The following PEX11A variants were observed in gnomAD, a reference collection of about 807,000 sequenced individuals.
The protein encoded by PEX11A is peroxisomal membrane protein 11A.
A neutral mutation model predicts 14.4 loss-of-function variants in PEX11A; 13 were observed. That is an observed-to-expected ratio of 0.90 (90% CI 0.59 to 1.43). The LOEUF is 1.43. Among genes scored for constraint, PEX11A ranks in the 40% most tolerant of loss-of-function variants. The pLI, the probability that PEX11A is intolerant of heterozygous loss-of-function variation, is 0.00. For missense variants in PEX11A, 290 were observed against 302.8 expected (o/e 0.96, Z 0.31); for synonymous variants, 101 against 113.0 (o/e 0.89, Z 0.67).
At chr15:89,688,917 T>C (rs894992656) in intron 1 of PEX11A, among the ~76,000 whole-genome samples, 1 of 151,508 alleles carries the variant, frequency 6.6e-6, no homozygotes, top group African/African-American at 2.4e-5. Context: ...GGTTTCACCA[T>C]GTTAGCCAGG....
Position 89,686,962 on chromosome 15 carries a change from C to T in PEX11A, c.57-416G>A, listed in dbSNP as rs540939946. Reference sequence around the variant, plus strand: ...TGTTTTTGATCGAGTCTCGCTCTTTCGCCAGGCTGGAGTGCTGTGGTGTGA... The same window carrying T: ...TGTTTTTGATCGAGTCTCGCTCTTTTGCCAGGCTGGAGTGCTGTGGTGTGA... On this transcript the variant is annotated intron_variant, in intron 1 of 2. Coordinates refer to ENST00000300056, the MANE Select transcript of PEX11A (RefSeq NM_003847.3). 2.6e-5 allele frequency among the ~76,000 whole-genome samples: 4 copies of T among 151,516 alleles called. No homozygotes were observed. In the East Asian group the frequency reaches 5.8e-4, roughly 22 times the overall value.
chr15:89,684,925 T>C (rs1964654792), intron 2 of PEX11A, among the ~76,000 whole-genome samples: 1 of 152,150 alleles, frequency 6.6e-6, no homozygotes, highest in Non-Finnish European at 1.5e-5. Flanking sequence ...CGCGGTGGCT[T>C]ACGCCTGTAA....
At chr15:89,690,113 G>T (rs1160813040) in intron 1 of PEX11A, among the ~76,000 whole-genome samples, 2 of 152,118 alleles carry the variant, frequency 1.3e-5, no homozygotes, top group African/African-American at 4.8e-5. Flanking sequence ...GACAGAGCGA[G>T]ACTCCGTCTC....
Position 89,683,899 on chromosome 15 carries a change from G to A in PEX11A, c.222C>T (p.Ser74=), listed in dbSNP as rs1182550973. 6.2e-7 allele frequency: 1 copy of A among 1,614,050 alleles called. No homozygotes were observed. Among genetic ancestry groups the A allele is most frequent in the East Asian group, 2.2e-5 (1 of 44,884 alleles). Residue 74 remains serine, a synonymous_variant, in exon 3 of 3, where the codon AGC becomes AGT. Coordinates refer to ENST00000300056, the MANE Select transcript of PEX11A (RefSeq NM_003847.3). ...GAGGTACCAGGTCAGTGGCATGAAT[G>A]CTCTGCTCAGTTGCCTGTATAGCAT... ...VVHAIQATEQ[S]IHATDLVPRL... is the part of the protein sequence containing the mutation.
In PEX11A at chr15:89,687,113, G is replaced by A. The variant is rs543909658; in HGVS notation, c.57-567C>T. 9.2e-5 allele frequency among the ~76,000 whole-genome samples: 14 copies of A among 152,120 alleles called. No homozygotes were observed. In the South Asian group the frequency reaches 2.3e-3, roughly 25 times the overall value. On this transcript the variant is annotated intron_variant, in intron 1 of 2. Coordinates refer to ENST00000300056, the MANE Select transcript of PEX11A (RefSeq NM_003847.3). ...TAATTTTTGTATTTTTAATAGACAC[G>A]GGGTTGTGCCATTTTGGTCATGGCT...
rs908848217 is a variant in PEX11A at position 89,681,844 on chromosome 15, T to C, written c.*1533A>G. ...GGAGGACTGACATCGGCCTCCTACC[T>C]GCTGGCATCCTATTTCTCTACCTCA... is the stretch of plus-strand genomic sequence containing the variant. On this transcript the variant is annotated 3_prime_UTR_variant, in exon 3 of 3. Coordinates refer to ENST00000300056, the MANE Select transcript of PEX11A (RefSeq NM_003847.3). 8.1e-5 allele frequency: 22 copies of C among 270,146 alleles called. No homozygotes were observed. Among genetic ancestry groups the C allele is most frequent in the Non-Finnish European group, 1.3e-4 (18 of 141,326 alleles). The allele number at this position is 270,146 out of a possible 1,614,324, so 16.7% of individuals were successfully genotyped here.
At chr15:89,690,386 C>G (rs953190730) in intron 1 of PEX11A, among the ~76,000 whole-genome samples, 191 bp downstream of exon 1, 4 of 152,102 alleles carry the variant, frequency 2.6e-5, no homozygotes, top group South Asian at 4.1e-4. Flanking sequence ...GACGCGGGTG[C>G]GTTGGGCCCA....
chr15:89,686,923 GT>G (rs536000290), intron 1 of PEX11A, among the ~76,000 whole-genome samples: 7 of 147,856 alleles, frequency 4.7e-5, no homozygotes, highest in East Asian at 2.0e-4. Context: ...TTCTTTCTTT[GT>G]TTTTTTTTTG....
intron 1 of PEX11A, chr15:89,687,824 C>G: frequency 3.2e-6 from 1 of 315,684 alleles, no homozygotes; most frequent in South Asian, 2.9e-5. Flanking sequence ...GAGCTTTGGT[C>G]TAATAATAAG....
At position 89,683,439 on chromosome 15, in the gene PEX11A, C is replaced by A. The variant is rs1222356558; in HGVS notation, c.682G>T (p.Val228Leu). The change falls in exon 3 of 3, where the codon GTG becomes TTG. Residue 228 changes from valine (V) to leucine (L), a missense_variant. By Grantham distance (32) the Val-to-Leu change is conservative. Transcript: ENST00000300056. ...NPGIIGLGGL[V>L]SSIAGMITVA... is the part of the protein sequence containing the mutation. The stretch of plus-strand genomic sequence containing the variant: ...GTGATCATGCCTGCTATAGAGGACA[C>A]AAGACCTCCAAGTCCAATGATGCCA... The A allele has an allele frequency of 6.2e-7, 1 of 1,614,002 alleles. No individual in the cohort carries two copies. Among genetic ancestry groups the A allele is most frequent in the Non-Finnish European group, 8.5e-7 (1 of 1,179,966 alleles).
In PEX11A at chr15:89,681,836, C is replaced by T. The variant is rs1229531653; in HGVS notation, c.*1541G>A. On this transcript the variant is annotated 3_prime_UTR_variant, in exon 3 of 3. Coordinates refer to ENST00000300056, the MANE Select transcript of PEX11A (RefSeq NM_003847.3). ...CTTTGCTGGGAGGACTGACATCGGC[C>T]TCCTACCTGCTGGCATCCTATTTCT... 1.8e-5 allele frequency: 5 copies of T among 275,374 alleles called. No homozygotes were observed. Among genetic ancestry groups the T allele is most frequent in the Non-Finnish European group, 3.5e-5 (5 of 144,916 alleles). The allele number at this position is 275,374 out of a possible 1,614,324, so 17.1% of individuals were successfully genotyped here.
chr15:89,684,733 A>C (rs776319293), intron 2 of PEX11A, among the ~76,000 whole-genome samples: 1 of 152,210 alleles, frequency 6.6e-6, no homozygotes. Context: ...CACGTAATTC[A>C]ATTAATCAGG....
rs778319962 is a variant in PEX11A, at chr15:89,683,915, T to C, written c.206A>G (p.Gln69Arg). The C allele has an allele frequency of 1.9e-5, 30 of 1,613,566 alleles. No individual in the cohort carries two copies. The highest frequency in any genetic ancestry group is 2.5e-5 in the Non-Finnish European group (29 of 1,179,674). ...FRLGNVVHAI[Q>R]ATEQSIHATD... ...GGCATGAATGCTCTGCTCAGTTGCCTGTATAGCATGTACCACATTGCCTAG... is the reference window on the plus strand; with the variant it reads ...GGCATGAATGCTCTGCTCAGTTGCCCGTATAGCATGTACCACATTGCCTAG... Residue 69 changes from glutamine (Q) to arginine (R), a missense_variant, in exon 3 of 3, where the codon CAG becomes CGG. Physicochemically the swap from Gln to Arg is conservative, Grantham distance 43. Transcript: ENST00000300056.
chr15:89,682,089 T>G lies in PEX11A; in HGVS notation c.*1288A>C, dbSNP rs1183512616. 1 of 152,398 alleles carries G rather than the reference T, an allele frequency of 6.6e-6. No homozygotes were observed. The highest frequency in any genetic ancestry group is 2.4e-5 in the African/African-American group (1 of 41,452). 9.4% of individuals were successfully genotyped at this position (152,398 alleles called of 1,614,324 possible). A position where few individuals can be genotyped will look rare whatever the true frequency, so the allele number is the denominator to read the frequency against. ...ATCTGGAGTATTCATGAAATTTTTT[T>G]GACTGGATAAATTTTGATGAAAATT... On this transcript the variant is annotated 3_prime_UTR_variant, in exon 3 of 3. Coordinates refer to ENST00000300056, the MANE Select transcript of PEX11A (RefSeq NM_003847.3).
chr15:89,683,989 G>C, intron 2 of PEX11A, 41 bp from the exon 3 acceptor site: 1 of 1,354,152 alleles, frequency 7.4e-7, no homozygotes. Flanking sequence ...TATTTCATTA[G>C]TACACAACAG....
Position 89,687,083 on chromosome 15 carries a change from C to T in PEX11A, c.57-537G>A, listed in dbSNP as rs564237936. On this transcript the variant is annotated intron_variant, in intron 1 of 2. Transcript: ENST00000300056. ...GGATTACAGGTGTGTGCCACCACGC[C>T]CAGCTAATTTTTGTATTTTTAATAG... is the stretch of plus-strand genomic sequence containing the variant. Among the ~76,000 whole-genome samples the T allele has an allele frequency of 2.0e-5, 3 of 152,084 alleles. No homozygotes were observed. The South Asian group carries it at 6.2e-4, about 32-fold the overall frequency.
chr15:89,688,115 C>T, intron 1 of PEX11A: 1 of 536,546 alleles, frequency 1.9e-6, no homozygotes, highest in Non-Finnish European at 3.7e-6. Context: ...ACCACAGCCA[C>T]TCTGCTTCCT....
chr15:89,687,340 A>AT (rs1378715561), intron 1 of PEX11A, among the ~76,000 whole-genome samples: 3 of 152,226 alleles, frequency 2.0e-5, no homozygotes, highest in Admixed American at 6.5e-5. Flanking sequence ...AGATTGTTTA[A>AT]TTTTTTATAA....
intron 1 of PEX11A, among the ~76,000 whole-genome samples, chr15:89,687,519 C>A (rs762319288): frequency 2.0e-5 from 3 of 152,094 alleles, no homozygotes; most frequent in Non-Finnish European, 2.9e-5. Context: ...CAATGACTTA[C>A]TAATATAAAT....
Sources: gnomAD v4.1 joint callset for allele counts (sites outside exome capture counted in the v4.1 genomes callset) on GRCh38, gnomAD v4.1.1 for gene constraint, MANE v1.5 for transcripts, NCBI Gene and HGNC (gene_info 2026-07-23, HGNC 2026-07-21) for gene names.